Variants in ANKRD12 observed in about 807,000 individuals in gnomAD.
ANKRD12 encodes ankyrin repeat domain 12, also known as ankyrin repeat domain-containing protein 12.
A neutral mutation model predicts 183.4 loss-of-function variants in ANKRD12; 85 were observed. The ratio of observed to expected loss-of-function variants is 0.46; its 90% CI spans 0.39 to 0.56. ANKRD12 has a LOEUF of 0.56. ANKRD12 is among the 20% of genes least tolerant of loss of function. The pLI is 0.00. For missense variants in ANKRD12, 2,405 were observed against 2,357.1 expected (o/e 1.02, Z -0.42); for synonymous variants, 914 against 800.2 (o/e 1.14, Z -2.40).
intron 9 of ANKRD12, 97 bp downstream of exon 9, chr18:9,259,028 T>TA: frequency 7.4e-7 from 1 of 1,351,282 alleles, no homozygotes; most frequent in Non-Finnish European, 9.9e-7. Flanking sequence ...AGTAGATAGA[T>TA]AATTTCAGCA....
intron 10 of ANKRD12, among the ~76,000 whole-genome samples, chr18:9,270,766 A>C (rs923223645): frequency 3.3e-5 from 5 of 152,228 alleles, no homozygotes; most frequent in Non-Finnish European, 7.3e-5. Context: ...TAAAAGTATA[A>C]TATAAAAAAT....
chr18:9,230,977 A>G (rs943498626), intron 8 of ANKRD12, among the ~76,000 whole-genome samples: 4 of 151,454 alleles, frequency 2.6e-5, no homozygotes, highest in African/African-American at 9.7e-5. Context: ...CTCCACTTTC[A>G]TTTGTTTCAA....
chr18:9,271,151 A>G (rs1311626669), intron 10 of ANKRD12, among the ~76,000 whole-genome samples: 1 of 152,116 alleles, frequency 6.6e-6, no homozygotes, highest in Non-Finnish European at 1.5e-5. Context: ...GGCTCACTGC[A>G]GCCTCAACCT....
intron 1 of ANKRD12, among the ~76,000 whole-genome samples, chr18:9,145,949 A>G (rs1483488143): frequency 6.6e-6 from 1 of 152,216 alleles, no homozygotes; most frequent in Non-Finnish European, 1.5e-5. Flanking sequence ...ACCAAGATGC[A>G]TAATTAGGAA....
In ANKRD12 at chr18:9,184,709, T is replaced by C. The variant is rs536428307; in HGVS notation, c.87+2190T>C. On this transcript the variant is annotated intron_variant, in intron 2 of 12. Transcript: ENST00000262126. ...TTTAATAAGTAGCTTTATTGAGATA[T>C]AATTCGCATGCCATACATTTAAAGT... is the stretch of plus-strand genomic sequence containing the variant. 9.9e-5 allele frequency among the ~76,000 whole-genome samples: 15 copies of C among 152,206 alleles called. No individual in the cohort carries two copies. In the South Asian group the frequency reaches 1.2e-3, roughly 13 times the overall value.
At chr18:9,182,793 T>A (rs564156156) in intron 2 of ANKRD12, among the ~76,000 whole-genome samples, 91 of 152,330 alleles carry the variant, frequency 6.0e-4, no homozygotes, top group Non-Finnish European at 1.1e-3. Flanking sequence ...TTAGTCATTG[T>A]CAATGACCTG....
At chr18:9,261,462 A>G (rs1043608642) in intron 9 of ANKRD12, among the ~76,000 whole-genome samples, 2 of 152,146 alleles carry the variant, frequency 1.3e-5, no homozygotes, top group Admixed American at 6.5e-5. Context: ...TCTTTACAGA[A>G]TTGTAAGATT....
chr18:9,137,157 C>T (rs1214756554), intron 1 of ANKRD12, 192 bp downstream of exon 1: 1 of 151,452 alleles, frequency 6.6e-6, no homozygotes, highest in African/African-American at 2.4e-5. Flanking sequence ...CAGCCTGGCC[C>T]GAGCCGTAGC....
chr18:9,255,092 C>A lies in ANKRD12; in HGVS notation c.1825C>A (p.Gln609Lys). ...SCKHKEKSKH[Q>K]KDFHLEFGEK... Reference sequence around the variant, plus strand: ...TAAGCATAAGGAAAAAAGCAAACATCAGAAAGATTTCCACTTAGAATTTGG... The same window carrying A: ...TAAGCATAAGGAAAAAAGCAAACATAAGAAAGATTTCCACTTAGAATTTGG... Residue 609 changes from glutamine (Q) to lysine (K), a missense_variant, in exon 9 of 13, where the codon CAG (glutamine) becomes AAG (lysine). Around this residue, in one of 7 missense-constraint regions of ANKRD12, gnomAD observed 1,983 missense variants for 1,725.9 expected, o/e 1.15. Transcript: ENST00000262126. The A allele has an allele frequency of 1.3e-6, 2 of 1,575,422 alleles. No individual in the cohort carries two copies. Among genetic ancestry groups the A allele is most frequent in the East Asian group, 2.3e-5 (1 of 43,906 alleles).
chr18:9,242,365 A>T (rs142119788), intron 8 of ANKRD12, among the ~76,000 whole-genome samples: 238 of 152,210 alleles, frequency 1.6e-3, no homozygotes, highest in Non-Finnish European at 2.9e-3. Context: ...TAGTAGTGAG[A>T]TGTTGCTGAA....
rs186915035 is a variant in ANKRD12, at chr18:9,256,218, C to T, written c.2951C>T (p.Ser984Leu). The change falls in exon 9 of 13, where the codon TCA becomes TTA. Residue 984 changes from serine to leucine, a missense_variant. Ser to Leu is a moderately radical substitution (Grantham distance 145). Around this residue, in one of 7 missense-constraint regions of ANKRD12, gnomAD observed 1,983 missense variants for 1,725.9 expected, o/e 1.15. Coordinates refer to ENST00000262126, the MANE Select transcript of ANKRD12 (RefSeq NM_015208.5). ...NSKHIQEEKK[S>L]SIVDGNKAQH... is the part of the protein sequence containing the mutation. The stretch of plus-strand genomic sequence containing the variant: ...AAACACATACAGGAAGAAAAAAAAT[C>T]AAGTATAGTAGACGGTAATAAAGCA... 4.1e-4 allele frequency: 651 copies of T among 1,575,860 alleles called. No individual in the cohort carries two copies. Among genetic ancestry groups the T allele is most frequent in the Non-Finnish European group, 5.2e-4 (611 of 1,167,914 alleles).
In ANKRD12 at chr18:9,191,872, T is replaced by TA. The variant is rs553858713; in HGVS notation, c.88-3678dup. On this transcript the variant is annotated intron_variant, in intron 2 of 12. Coordinates refer to ENST00000262126, the MANE Select transcript of ANKRD12 (RefSeq NM_015208.5). ...AATCACCCCAGAACCAGGCACCAAT[T>TA]AGAGAAACAGCTCCCATACCCCAGA... 2.5e-3 allele frequency among the ~76,000 whole-genome samples: 379 copies of TA among 152,204 alleles called. 5 individuals carry two copies. The highest frequency in any genetic ancestry group is 8.8e-3 in the African/African-American group (367 of 41,504).
intron 10 of ANKRD12, among the ~76,000 whole-genome samples, chr18:9,269,300 T>C (rs970673438): frequency 2.6e-5 from 4 of 152,124 alleles, no homozygotes; most frequent in African/African-American, 4.8e-5. Context: ...AAAAAAGACC[T>C]CGCATTGCCA....
At chr18:9,277,359 G>A (rs1056754052) in intron 11 of ANKRD12, among the ~76,000 whole-genome samples, 1 of 140,516 alleles carries the variant, frequency 7.1e-6, no homozygotes, top group African/African-American at 2.7e-5. Flanking sequence ...GCAGAGTCTG[G>A]CTCTGTCGCC....
At chr18:9,192,391 A>G (rs2034505888) in intron 2 of ANKRD12, among the ~76,000 whole-genome samples, 1 of 152,174 alleles carries the variant, frequency 6.6e-6, no homozygotes, top group Admixed American at 6.5e-5. Context: ...TCTCTAGATG[A>G]GCCCTGCTTG....
rs1406494938 is a variant in ANKRD12, at chr18:9,212,689, C to T, written c.652+905C>T. On this transcript the variant is annotated intron_variant, in intron 6 of 12. Transcript: ENST00000262126. ...ATTTTTGAAATAATGGAAATTGCCC[C>T]CCCCAAAATTCTGTATCAATTCATA... 4.6e-5 allele frequency among the ~76,000 whole-genome samples: 7 copies of T among 151,670 alleles called. No homozygotes were observed. In the East Asian group the frequency reaches 1.2e-3, roughly 25 times the overall value.
rs1172888864 is a variant in ANKRD12 at position 9,258,881 on chromosome 18, G to A, written c.5614G>A (p.Gly1872Arg). Residue 1872 changes from glycine to arginine, a missense_variant, in exon 9 of 13, where the codon GGA becomes AGA. By Grantham distance (125) the Gly-to-Arg change is moderately radical. This residue lies in a region of ANKRD12 where 162 missense variants were observed against 272.2 expected (regional missense o/e 0.60). Transcript: ENST00000262126. ...CTATGACGAATATGTAACATTTAAC[G>A]GATCATATCTCCTGGATGGAAACCC... ...QYYDEYVTFNGSYLLDGNPLS... is the reference protein window; with the variant it reads ...QYYDEYVTFNRSYLLDGNPLS... The A allele has an allele frequency of 3.7e-6, 6 of 1,612,022 alleles. No homozygotes were observed. Among genetic ancestry groups the A allele is most frequent in the Non-Finnish European group, 4.2e-6 (5 of 1,179,196 alleles).
chr18:9,216,281 C>T (rs960681131), intron 6 of ANKRD12, among the ~76,000 whole-genome samples: 8 of 151,994 alleles, frequency 5.3e-5, no homozygotes, highest in South Asian at 4.1e-4. Context: ...GCCTACTCAC[C>T]GTGAAGATGA....
intron 8 of ANKRD12, among the ~76,000 whole-genome samples, chr18:9,227,843 A>G (rs1356197528): frequency 3.3e-5 from 5 of 152,180 alleles, no homozygotes; most frequent in Non-Finnish European, 7.4e-5. Context: ...ACTTTGAAAT[A>G]TACATAATAC....
Sources: gnomAD v4.1 joint callset for allele counts (sites outside exome capture counted in the v4.1 genomes callset) on GRCh38, gnomAD v4.1.1 for gene constraint, gnomAD v4.1.1 regional missense constraint, MANE v1.5 for transcripts, NCBI Gene and HGNC (gene_info 2026-07-23, HGNC 2026-07-21) for gene names.